The following PEDS1 variants were observed in gnomAD, a reference collection of about 807,000 sequenced individuals.
PEDS1 encodes CarF homolog.
Under a neutral mutation model 35.2 loss-of-function variants are expected in PEDS1, and 14 were observed. The ratio of observed to expected loss-of-function variants is 0.40; its 90% confidence interval spans 0.26 to 0.62. The LOEUF is 0.62. PEDS1 is among the 20% of genes least tolerant of loss of function. The pLI, the probability that PEDS1 is intolerant of heterozygous loss-of-function variation, is 0.44. For synonymous variants in PEDS1, 152 were observed against 152.0 expected, an observed-to-expected ratio of 1.00 and a Z score of 0.00; for missense variants, 260 against 367.8, an observed-to-expected ratio of 0.71 and a Z score of 2.40.
intron 1 of PEDS1, 39 bp downstream of exon 1, chr20:50,153,478 T>A (rs1201305818): frequency 9.2e-6 from 12 of 1,307,200 alleles, no homozygotes; most frequent in African/African-American, 1.5e-5. Flanking sequence ...CAGCCGGGGC[T>A]GGTGACCGCA....
intron 1 of PEDS1, among the ~76,000 whole-genome samples, chr20:50,146,311 C>T (rs543955988): frequency 1.3e-5 from 2 of 152,134 alleles, no homozygotes; most frequent in African/African-American, 2.4e-5. Flanking sequence ...ACACTCCCCC[C>T]ACACGAGGCC....
intron 1 of PEDS1, among the ~76,000 whole-genome samples, chr20:50,152,746 C>A (rs2081418011): frequency 6.6e-6 from 1 of 151,368 alleles, no homozygotes; most frequent in South Asian, 2.1e-4. Flanking sequence ...GAGGGAGGGG[C>A]AAGAGCTAGA....
chr20:50,136,279 AAAAT>A (rs1260909097), intron 2 of PEDS1, among the ~76,000 whole-genome samples: 1 of 152,196 alleles, frequency 6.6e-6, no homozygotes, highest in Non-Finnish European at 1.5e-5. Context: ...GAGCATAATA[AAAAT>A]TATACAGATG....
chr20:50,126,862 T>C lies in PEDS1; in HGVS notation c.691+1113A>G, dbSNP rs117194081. On this transcript the variant is annotated intron_variant, in intron 5 of 5. Transcript: ENST00000371652. ...CATGTTCCTGCCTCTGGCCTGCTGC[T>C]TCCTGTTACCTTTGCTCTAATCTGT... 5.0e-3 allele frequency among the ~76,000 whole-genome samples: 756 copies of C among 152,322 alleles called. 4 individuals are homozygous for C. The highest frequency in any genetic ancestry group is 0.01 in the Middle Eastern group (3 of 294).
At chr20:50,136,649 G>T (rs1028305282) in intron 2 of PEDS1, among the ~76,000 whole-genome samples, 4 of 150,408 alleles carry the variant, frequency 2.7e-5, no homozygotes, top group Non-Finnish European at 5.9e-5. Context: ...CTTGAACCTG[G>T]GAGGAAGAGG....
chr20:50,152,732 A>G (rs1338774409), intron 1 of PEDS1, among the ~76,000 whole-genome samples: 1 of 151,926 alleles, frequency 6.6e-6, no homozygotes, highest in Admixed American at 6.6e-5. Flanking sequence ...CAATACATGG[A>G]TGTGAGGGAG....
At position 50,129,944 on chromosome 20, in the gene PEDS1, C is replaced by A. The variant is rs1247297288; in HGVS notation, c.334-254G>T. On this transcript the variant is annotated intron_variant, in intron 3 of 5. Transcript: ENST00000371652. The surrounding 1 kb of genome is among the most constrained non-coding windows in gnomAD (Gnocchi z 4.2). The stretch of plus-strand genomic sequence containing the variant: ...CTGCCTCTGGGCCTCAGTCTCCCTA[C>A]CTGTGCTGTAAGGGGGCTTGGAGAC... Among the ~76,000 whole-genome samples, 1 of 152,158 alleles carries A rather than the reference C, an allele frequency of 6.6e-6. No individual in the cohort carries two copies. Among genetic ancestry groups the A allele is most frequent in the Admixed American group, 6.5e-5 (1 of 15,272 alleles).
Position 50,153,610 on chromosome 20 carries a change from G to T in PEDS1, c.28C>A (p.Gln10Lys). Residue 10 changes from glutamine (Q) to lysine (K), a missense_variant, in exon 1 of 6, where the codon CAG (glutamine) becomes AAG (lysine). This residue lies in a region of PEDS1 where 114 missense variants were observed against 121.6 expected (regional missense o/e 0.94). Transcript: ENST00000371652. ...TCGTCCTCGTCCAGCTCCAGCTGCTGGCCCGGCCAGTTCTCGGCGCCCGCC... is the reference window on the plus strand; with the variant it reads ...TCGTCCTCGTCCAGCTCCAGCTGCTTGCCCGGCCAGTTCTCGGCGCCCGCC... Reference protein sequence around the residue: MAGAENWPGQQLELDEDEAS... With the variant: MAGAENWPGKQLELDEDEAS... 2.3e-6 allele frequency: 3 copies of T among 1,332,256 alleles called. No homozygotes were observed. Among genetic ancestry groups the T allele is most frequent in the Non-Finnish European group, 2.9e-6 (3 of 1,034,410 alleles). 82.5% of individuals were successfully genotyped at this position (1,332,256 alleles called of 1,614,324 possible). A position where few individuals can be genotyped will look rare whatever the true frequency, so the allele number is the denominator to read the frequency against.
rs747490665 is a variant in PEDS1, at chr20:50,129,528, A to ACTAG, written c.478+14_478+17dup. ...CCCCAAGGCCCCCTCCCAGCCCACC[A>ACTAG]CTAGCTGGGTGTCTCACCAGGGCTG... On this transcript the variant is annotated intron_variant, in intron 4 of 5. Transcript: ENST00000371652. The surrounding 1 kb of genome is among the most constrained non-coding windows in gnomAD (Gnocchi z 4.2). The ACTAG allele has an allele frequency of 1.2e-6, 2 of 1,613,870 alleles. No homozygotes were observed. The highest frequency in any genetic ancestry group is 2.2e-5 in the South Asian group (2 of 91,050).
chr20:50,136,324 C>T, intron 2 of PEDS1, among the ~76,000 whole-genome samples: 1 of 152,170 alleles, frequency 6.6e-6, no homozygotes, highest in East Asian at 1.9e-4. Flanking sequence ...ACACTGTGTA[C>T]TGGGGCTTTG....
In PEDS1 at chr20:50,119,464, C is replaced by T. The variant is rs897980281; in HGVS notation, c.*5594G>A. On this transcript the variant is annotated 3_prime_UTR_variant, in exon 6 of 6. Transcript: ENST00000371652. ...AAAAAAAAAAAAAAAAAGTCAAGTC[C>T]ATTCCATCCTGAAGGTGGAACACTA... is the stretch of plus-strand genomic sequence containing the variant. 6.7e-6 allele frequency: 1 copy of T among 150,118 alleles called. No individual in the cohort carries two copies. The highest frequency in any genetic ancestry group is 2.4e-5 in the African/African-American group (1 of 40,850). 9.3% of individuals were successfully genotyped at this position (150,118 alleles called of 1,614,324 possible).
intron 1 of PEDS1, chr20:50,151,108 G>A: frequency 1.8e-6 from 1 of 544,284 alleles, no homozygotes; most frequent in Non-Finnish European, 3.0e-6. Flanking sequence ...TTCAGGCCCA[G>A]AGAGGTCAAA....
chr20:50,131,166 T>TGGAG, intron 2 of PEDS1: 1 of 1,073,834 alleles, frequency 9.3e-7, no homozygotes. Flanking sequence ...CTCATGTGCT[T>TGGAG]GGAGAGTCTG....
At chr20:50,125,229 G>A (rs999432664) in intron 5 of PEDS1, 50 bp from the exon 6 acceptor site, 29 of 1,603,288 alleles carry the variant, frequency 1.8e-5, no homozygotes, top group African/African-American at 4.0e-5. Context: ...GTAGTCAAGG[G>A]GACATTGGAA....
Position 50,129,685 on chromosome 20 carries a change from G to T in PEDS1, c.339C>A (p.Phe113Leu), listed in dbSNP as rs2081153497. The change falls in exon 4 of 6, where the codon TTC (phenylalanine) becomes TTA (leucine). Residue 113 changes from phenylalanine (F) to leucine (L), a missense_variant. This residue lies in a region of PEDS1 where 34 missense variants were observed against 81.9 expected (regional missense o/e 0.41). Transcript: ENST00000371652. The surrounding 1 kb of genome is among the most constrained non-coding windows in gnomAD (Gnocchi z 4.2). ...SVELPIVGKA[F>L]IRPFREHHID... ...TGTGGTGCTCCCGGAAGGGTCGGAT[G>T]AAAGCCTGGAGTTGAGGGGGACACA... 2.5e-6 allele frequency: 4 copies of T among 1,614,000 alleles called. No individual in the cohort carries two copies. Among genetic ancestry groups the T allele is most frequent in the Non-Finnish European group, 3.4e-6 (4 of 1,180,000 alleles).
intron 2 of PEDS1, among the ~76,000 whole-genome samples, chr20:50,142,559 T>C (rs1181050657): frequency 1.3e-5 from 2 of 151,762 alleles, no homozygotes; most frequent in Admixed American, 1.3e-4. Context: ...TGCCCCAGCC[T>C]CCCAAGTAGC....
At chr20:50,134,554 A>G (rs1046209266) in intron 2 of PEDS1, among the ~76,000 whole-genome samples, 6 of 152,216 alleles carry the variant, frequency 3.9e-5, no homozygotes, top group Non-Finnish European at 5.9e-5. Context: ...TCTCAAAAAT[A>G]AATGAATGAA....
Position 50,142,689 on chromosome 20 carries a change from C to G in PEDS1, c.241+813G>C, listed in dbSNP as rs970221757. Among the ~76,000 whole-genome samples the G allele has an allele frequency of 1.5e-4, 14 of 94,328 alleles. 2 individuals are homozygous for G. In the East Asian group the frequency reaches 2.3e-3, roughly 15 times the overall value. 61.9% of individuals were successfully genotyped at this position (94,328 alleles called of 152,430 possible). On this transcript the variant is annotated intron_variant, in intron 2 of 5. Transcript: ENST00000371652. ...CCTGACCTCAAGTCATCCGCCCCCCCCCCCCCGCCCCAACGGCCTCCCACA... is the reference window on the plus strand; with the variant it reads ...CCTGACCTCAAGTCATCCGCCCCCCGCCCCCCGCCCCAACGGCCTCCCACA...
chr20:50,135,362 T>C (rs1391289718), intron 2 of PEDS1, among the ~76,000 whole-genome samples: 1 of 151,548 alleles, frequency 6.6e-6, no homozygotes, highest in African/African-American at 2.4e-5. Flanking sequence ...TGACCCCTGA[T>C]AGAAAGCATT....
Sources: gnomAD v4.1 joint callset for allele counts (sites outside exome capture counted in the v4.1 genomes callset) on GRCh38, gnomAD v4.1.1 for gene constraint, gnomAD v4.1.1 regional missense constraint, Gnocchi (gnomAD v3.1) non-coding constraint, MANE v1.5 for transcripts, NCBI Gene and HGNC (gene_info 2026-07-23, HGNC 2026-07-21) for gene names.